KIF5C: variants seen among roughly 807,000 people sequenced by gnomAD.
KIF5C encodes the protein kinesin family member 5C.
KIF5C carries 18 observed loss-of-function variants against 125.2 expected under a neutral mutation model. The ratio of observed to expected loss-of-function variants is 0.14; its 90% confidence interval spans 0.10 to 0.21. The LOEUF (loss-of-function observed/expected upper bound fraction) is 0.21. Ranked by LOEUF, KIF5C falls within the 10% of genes least tolerant of loss-of-function variation. KIF5C has a pLI of 1.00. For synonymous variants in KIF5C, 405 were observed against 434.0 expected (o/e 0.93, Z 0.83); for missense variants, 780 against 1,183.8 (o/e 0.66, Z 5.01).
intron 1 of KIF5C, among the ~76,000 whole-genome samples, chr2:148,896,918 C>T (rs555822610): frequency 6.6e-6 from 1 of 152,158 alleles, no homozygotes; most frequent in East Asian, 1.9e-4. Context: ...CTGCAGCCTC[C>T]AGCTCCCAGG....
chr2:148,994,340 G>T (rs557814970), intron 16 of KIF5C, 81 bp from the exon 17 acceptor site: 15 of 1,504,130 alleles, frequency 1.0e-5, no homozygotes, highest in Non-Finnish European at 1.3e-5. Context: ...CTCCTCTCTC[G>T]CATTTTCCTA....
intron 2 of KIF5C, 136 bp from the exon 3 acceptor site, chr2:148,929,145 C>A: frequency 1.8e-6 from 1 of 571,148 alleles, no homozygotes. Flanking sequence ...ACTTAAAATT[C>A]ACATGGAGTT....
intron 23 of KIF5C, 72 bp downstream of exon 23, chr2:149,008,139 A>G (rs568540685): frequency 1.3e-5 from 19 of 1,509,916 alleles, no homozygotes; most frequent in Non-Finnish European, 1.7e-5. Flanking sequence ...AGGTTTGGCC[A>G]CAGTGTGCGG....
intron 17 of KIF5C, 70 bp from the exon 18 acceptor site, chr2:148,997,194 T>C: frequency 6.5e-7 from 1 of 1,549,016 alleles, no homozygotes; most frequent in South Asian, 1.2e-5. Flanking sequence ...GCTTTTTGTT[T>C]TTTAATTTTT....
intron 12 of KIF5C, among the ~76,000 whole-genome samples, chr2:148,977,912 G>A (rs1681119069): frequency 1.3e-5 from 2 of 152,172 alleles, no homozygotes; most frequent in South Asian, 4.1e-4. Flanking sequence ...CCTGGAAAAG[G>A]CAAAAGGCAC....
intron 15 of KIF5C, among the ~76,000 whole-genome samples, 153 bp from the exon 16 acceptor site, chr2:148,990,857 G>A (rs941664046): frequency 4.6e-5 from 7 of 152,180 alleles, no homozygotes; most frequent in African/African-American, 1.2e-4. Flanking sequence ...AGAACTTGGG[G>A]TTGAATGTTT....
intron 1 of KIF5C, among the ~76,000 whole-genome samples, chr2:148,906,262 C>T (rs1681103907): frequency 6.6e-6 from 1 of 152,128 alleles, no homozygotes; most frequent in African/African-American, 2.4e-5. Flanking sequence ...GGGTGAGGCG[C>T]AAGTATGAGT....
intron 22 of KIF5C, among the ~76,000 whole-genome samples, chr2:149,007,370 G>T (rs1025491109): frequency 2.0e-5 from 3 of 152,170 alleles, no homozygotes; most frequent in African/African-American, 7.2e-5. Context: ...TGCCAGGAGT[G>T]CAGTGTTTTG....
chr2:148,997,127 T>C (rs1393509860), intron 17 of KIF5C, 137 bp from the exon 18 acceptor site: 1 of 1,386,916 alleles, frequency 7.2e-7, no homozygotes, highest in Non-Finnish European at 9.7e-7. Context: ...TGTTCCTTTA[T>C]GCCATGGTTG....
intron 25 of KIF5C, among the ~76,000 whole-genome samples, chr2:149,019,201 T>C (rs1352538278): frequency 6.6e-6 from 1 of 152,138 alleles, no homozygotes; most frequent in Non-Finnish European, 1.5e-5. Flanking sequence ...TTCTTGGCCA[T>C]TGGACAGCTA....
At chr2:149,011,521 A>C in intron 24 of KIF5C, 49 bp from the exon 25 acceptor site, 2 of 1,608,456 alleles carry the variant, frequency 1.2e-6, no homozygotes, top group Non-Finnish European at 1.7e-6. Context: ...GTTGCTGTTA[A>C]GACTTTTCTA....
chr2:149,002,352 C>T (rs1681875539), intron 21 of KIF5C, among the ~76,000 whole-genome samples: 1 of 152,166 alleles, frequency 6.6e-6, no homozygotes, highest in South Asian at 2.1e-4. Context: ...CATGTGAGCA[C>T]ATCATCACAC....
Position 148,998,430 on chromosome 2 carries a change from C to T in KIF5C, c.2131C>T (p.Arg711Trp). ...KALEQQMESH[R>W]EAHQKQLSRL... ...GCTGGAGCAGCAGATGGAGAGCCAC[C>T]GGGAAGCTCACCAGAAGCAGCTGTC... The change falls in exon 19 of 26, where the codon CGG becomes TGG. Residue 711 changes from arginine (R) to tryptophan (W), a missense_variant. Arg to Trp is a moderately radical substitution (Grantham distance 101). Around this residue, in one of 2 missense-constraint regions of KIF5C, gnomAD observed 573 missense variants for 742.6 expected, o/e 0.77. Coordinates refer to ENST00000435030, the MANE Select transcript of KIF5C (RefSeq NM_004522.3). 2 of 1,566,718 alleles carry T rather than the reference C, an allele frequency of 1.3e-6. No homozygotes were observed. The highest frequency in any genetic ancestry group is 1.7e-6 in the Non-Finnish European group (2 of 1,155,576).
intron 11 of KIF5C, among the ~76,000 whole-genome samples, chr2:148,964,895 G>A (rs1029102775): frequency 1.3e-5 from 2 of 152,122 alleles, no homozygotes; most frequent in South Asian, 2.1e-4. Context: ...ACTGCAGGTC[G>A]GAGAGGAGGG....
intron 1 of KIF5C, chr2:148,888,176 G>A (rs1272565157): frequency 1.3e-5 from 2 of 152,200 alleles, no homozygotes; most frequent in African/African-American, 4.8e-5. Context: ...CCCAGTCGCC[G>A]GCCCCGGGAA....
chr2:148,895,368 C>G (rs973166169), intron 1 of KIF5C, among the ~76,000 whole-genome samples: 1 of 152,106 alleles, frequency 6.6e-6, no homozygotes, highest in African/African-American at 2.4e-5. Context: ...AAACTCCTAA[C>G]CTCAAGTGAT....
At chr2:149,002,111 C>T (rs1404173058) in intron 21 of KIF5C, among the ~76,000 whole-genome samples, 2 of 152,236 alleles carry the variant, frequency 1.3e-5, no homozygotes, top group Non-Finnish European at 2.9e-5. Flanking sequence ...GCTTCATCTA[C>T]ATCTGTTTTA....
At chr2:148,922,024 C>T in intron 1 of KIF5C, 113 bp from the exon 2 acceptor site, 1 of 616,636 alleles carries the variant, frequency 1.6e-6, no homozygotes, top group South Asian at 2.1e-5. Flanking sequence ...CCTTAAAGAA[C>T]AGGGTTGGTG....
In KIF5C at chr2:149,000,762, A is replaced by G; in HGVS notation, c.2353A>G (p.Lys785Glu). The G allele has an allele frequency of 6.2e-7, 1 of 1,614,014 alleles. No homozygotes were observed. ...DKREQAREDL[K>E]GLEETVSREL... ...AAGGGAACAAGCCAGAGAAGACCTC[A>G]AAGGGCTGGAGGAGACAGTGGTATG... Residue 785 changes from lysine (K) to glutamate (E), a missense_variant, in exon 21 of 26, where the codon AAA (lysine) becomes GAA (glutamate). Around this residue, in one of 2 missense-constraint regions of KIF5C, gnomAD observed 573 missense variants for 742.6 expected, o/e 0.77. Coordinates refer to ENST00000435030, the MANE Select transcript of KIF5C (RefSeq NM_004522.3).
Sources: allele counts gnomAD v4.1 joint callset (sites outside exome capture counted in the v4.1 genomes callset), GRCh38; gene constraint gnomAD v4.1.1; regional missense constraint gnomAD v4.1.1; transcripts MANE v1.5; gene names NCBI Gene and HGNC (gene_info 2026-07-23, HGNC 2026-07-21).